MALRD1: variants seen among roughly 807,000 people sequenced by gnomAD.
The protein encoded by MALRD1 is MAM and LDL-receptor class A domain-containing protein 1.
A neutral mutation model predicts 242.1 loss-of-function variants in MALRD1; 247 were observed. That is an observed-to-expected ratio of 1.02 (90% CI 0.92 to 1.13). The LOEUF is 1.13. Ranked by LOEUF, MALRD1 falls within the 50% of genes most tolerant of loss-of-function variation. The probability of loss-of-function intolerance (pLI) is 0.00; values close to 1 mark genes in which losing one functional copy is unlikely to be tolerated. For synonymous variants in MALRD1, 995 were observed against 866.6 expected (o/e 1.15, Z -2.60); for missense variants, 2,989 against 2,533.1 (o/e 1.18, Z -3.86).
intron 24 of MALRD1, among the ~76,000 whole-genome samples, chr10:19,341,106 A>G (rs1843826865): frequency 6.6e-6 from 1 of 152,102 alleles, no homozygotes; most frequent in Non-Finnish European, 1.5e-5. Context: ...CATTAGCAAT[A>G]ATTTGTGTTT....
intron 18 of MALRD1, among the ~76,000 whole-genome samples, chr10:19,213,379 G>T (rs917376529): frequency 2.0e-5 from 3 of 152,066 alleles, no homozygotes; most frequent in African/African-American, 7.2e-5. Flanking sequence ...GACTACAGCC[G>T]CATGCTACTA....
chr10:19,137,761 T>C lies in MALRD1; in HGVS notation c.1411+980T>C, dbSNP rs16918284. 6.8e-3 allele frequency among the ~76,000 whole-genome samples: 1,029 copies of C among 152,254 alleles called. 16 individuals are homozygous for C. Among genetic ancestry groups the C allele is most frequent in the African/African-American group, 0.023 (963 of 41,552 alleles). ...TCCCATTACTATTCAAGCATAGTCA[T>C]AGTTCAACAAAAATATAATTTAATT... On this transcript the variant is annotated intron_variant, in intron 10 of 39. Transcript: ENST00000454679.
chr10:19,628,879 C>T (rs1205756357), intron 36 of MALRD1, among the ~76,000 whole-genome samples: 3 of 152,080 alleles, frequency 2.0e-5, no homozygotes, highest in Non-Finnish European at 2.9e-5. Context: ...TGAATGTGCC[C>T]GTCCCTCAGT....
At chr10:19,543,257 G>A (rs958926386) in intron 32 of MALRD1, among the ~76,000 whole-genome samples, 8 of 117,432 alleles carry the variant, frequency 6.8e-5, no homozygotes, top group East Asian at 2.4e-4. Flanking sequence ...CTGATTTTTC[G>A]TTTTTGTTTT....
intron 38 of MALRD1, among the ~76,000 whole-genome samples, chr10:19,706,098 A>G (rs1466713308): frequency 6.6e-6 from 1 of 152,148 alleles, no homozygotes; most frequent in African/African-American, 2.4e-5. Flanking sequence ...AGGAGATAGC[A>G]TTTGGATTGA....
intron 38 of MALRD1, among the ~76,000 whole-genome samples, chr10:19,700,838 G>A (rs1833590207): frequency 1.3e-5 from 2 of 152,148 alleles, no homozygotes; most frequent in Admixed American, 1.3e-4. Context: ...AGATAATGAA[G>A]TTCTTACAAG....
chr10:19,176,366 C>CCTTTTTTTTTTTTTTTTTTTTTTTTTTT (rs1484132630), intron 14 of MALRD1, among the ~76,000 whole-genome samples: 2 of 87,302 alleles, frequency 2.3e-5, no homozygotes, highest in African/African-American at 8.6e-5. Flanking sequence ...TTTCTGGGTG[C>CCTTTTTTTTTTTTTTTTTTTTTTTTTTT]TTTTTTTTTT....
At position 19,619,274 on chromosome 10, in the gene MALRD1, C is replaced by A. The variant is rs576809065; in HGVS notation, c.6137+3351C>A. Among the ~76,000 whole-genome samples, 6 of 152,092 alleles carry A rather than the reference C, an allele frequency of 3.9e-5. No individual in the cohort carries two copies. The South Asian group carries it at 1.2e-3, about 32-fold the overall frequency. On this transcript the variant is annotated intron_variant, in intron 36 of 39. Coordinates refer to ENST00000454679, the MANE Select transcript of MALRD1 (RefSeq NM_001142308.3). ...ATAGGTGATGTTTTTTTCTGGGAAG[C>A]CGATTCCAGCCCAGCCAGGGAGGGT... is the stretch of plus-strand genomic sequence containing the variant.
At chr10:19,327,031 G>C (rs1229032371) in intron 22 of MALRD1, among the ~76,000 whole-genome samples, 1 of 151,994 alleles carries the variant, frequency 6.6e-6, no homozygotes, top group Non-Finnish European at 1.5e-5. Context: ...GAATATGTTT[G>C]TTTCATGGCT....
intron 5 of MALRD1, among the ~76,000 whole-genome samples, chr10:19,110,921 A>G (rs150031812): frequency 4.5e-4 from 68 of 152,324 alleles, no homozygotes; most frequent in African/African-American, 1.6e-3. Context: ...GGACTTTCCT[A>G]CTGTAGGGAA....
In MALRD1 at chr10:19,108,709, G is replaced by T. The variant is rs1399355647; in HGVS notation, c.694+4634G>T. Among the ~76,000 whole-genome samples the T allele has an allele frequency of 7.5e-5, 2 of 26,668 alleles. 1 individual carries two copies. The highest frequency in any genetic ancestry group is 9.8e-4 in the African/African-American group (2 of 2,038). 17.5% of individuals were successfully genotyped at this position (26,668 alleles called of 152,430 possible). A position where few individuals can be genotyped will look rare whatever the true frequency, so the allele number is the denominator to read the frequency against. On this transcript the variant is annotated intron_variant, in intron 5 of 39. Coordinates refer to ENST00000454679, the MANE Select transcript of MALRD1 (RefSeq NM_001142308.3). Reference sequence around the variant, plus strand: ...TGGGATTACAGGCGTGAGCCACCGCGCCCGGCCGTTTTTTCTAATTTTATT... The same window carrying T: ...TGGGATTACAGGCGTGAGCCACCGCTCCCGGCCGTTTTTTCTAATTTTATT...
intron 21 of MALRD1, among the ~76,000 whole-genome samples, chr10:19,312,400 ATGTG>A (rs1488787498): frequency 3.8e-4 from 54 of 143,626 alleles, no homozygotes; most frequent in Non-Finnish European, 5.5e-4. Flanking sequence ...ATATATATAT[ATGTG>A]TATATGTGTG....
chr10:19,339,447 A>C (rs558105351), intron 24 of MALRD1, among the ~76,000 whole-genome samples: 10 of 152,284 alleles, frequency 6.6e-5, no homozygotes, highest in African/African-American at 2.2e-4. Flanking sequence ...AGTTATATAC[A>C]TATTCAGCTT....
At chr10:19,532,516 G>T (rs1167258066) in intron 32 of MALRD1, among the ~76,000 whole-genome samples, 1 of 151,902 alleles carries the variant, frequency 6.6e-6, no homozygotes, top group African/African-American at 2.4e-5. Context: ...AGCCTCCCAG[G>T]GTGCTGGGAT....
intron 21 of MALRD1, among the ~76,000 whole-genome samples, chr10:19,285,140 T>C (rs1300568399): frequency 1.6e-4 from 23 of 142,158 alleles, no homozygotes; most frequent in Non-Finnish European, 3.3e-4. Flanking sequence ...TCATTGTAGA[T>C]TCTGGATATT....
chr10:19,177,285 A>C (rs1363429137), intron 14 of MALRD1, among the ~76,000 whole-genome samples: 1 of 152,002 alleles, frequency 6.6e-6, no homozygotes, highest in Non-Finnish European at 1.5e-5. Context: ...TCTCAAAAAA[A>C]AAAAAAAAAG....
chr10:19,283,688 A>T (rs74121461), intron 21 of MALRD1, among the ~76,000 whole-genome samples: 1 of 152,146 alleles, frequency 6.6e-6, no homozygotes, highest in African/African-American at 2.4e-5. Context: ...AGATTTTTCC[A>T]CTTCTCAATA....
At chr10:19,403,208 A>G (rs1442130054) in intron 28 of MALRD1, among the ~76,000 whole-genome samples, 2 of 152,158 alleles carry the variant, frequency 1.3e-5, no homozygotes, top group East Asian at 1.9e-4. Context: ...AAACCCTTAC[A>G]TCATATTGTG....
rs187402311 is a variant in MALRD1, at chr10:19,436,748, G to A, written c.4846-13559G>A. ...TGGTCAGATTCTGCATTTCTTCCTG[G>A]CATACTTCAAAACTCCTAAATGATC... On this transcript the variant is annotated intron_variant, in intron 28 of 39. Coordinates refer to ENST00000454679, the MANE Select transcript of MALRD1 (RefSeq NM_001142308.3). 5.9e-5 allele frequency among the ~76,000 whole-genome samples: 9 copies of A among 152,044 alleles called. No individual in the cohort carries two copies. In the East Asian group the frequency reaches 1.7e-3, roughly 29 times the overall value.
Sources: gnomAD v4.1 joint callset for allele counts (sites outside exome capture counted in the v4.1 genomes callset) on GRCh38, gnomAD v4.1.1 for gene constraint, MANE v1.5 for transcripts, NCBI Gene and HGNC (gene_info 2026-07-23, HGNC 2026-07-21) for gene names.